The following FHIT variants were observed in gnomAD, a reference collection of about 807,000 sequenced individuals.
FHIT encodes fragile histidine triad diadenosine triphosphatase, also known as bis(5'-adenosyl)-triphosphatase.
FHIT carries 19 observed loss-of-function variants against 17.9 expected under a neutral mutation model. The observed-to-expected ratio is 1.06, with a 90% confidence interval of 0.74 to 1.56. The LOEUF is 1.56. Among genes scored for constraint, FHIT ranks in the 40% most tolerant of loss-of-function variants. The pLI is 0.00. For synonymous variants in FHIT, 81 were observed against 69.7 expected (o/e 1.16, Z -0.81); for missense variants, 248 against 189.2 (o/e 1.31, Z -1.82).
intron 5 of FHIT, among the ~76,000 whole-genome samples, chr3:60,084,843 T>C (rs866773846): frequency 6.6e-6 from 1 of 152,124 alleles, no homozygotes; most frequent in Non-Finnish European, 1.5e-5. Context: ...ACATTGATAG[T>C]GACTTTTTTT....
At chr3:59,774,971 T>C (rs1470089600) in intron 8 of FHIT, among the ~76,000 whole-genome samples, 2 of 152,172 alleles carry the variant, frequency 1.3e-5, no homozygotes, top group Admixed American at 6.5e-5. Flanking sequence ...GAGCTTAGGC[T>C]TCATCTCAGA....
chr3:60,870,075 C>T (rs1354125319), intron 3 of FHIT, among the ~76,000 whole-genome samples: 1 of 152,154 alleles, frequency 6.6e-6, no homozygotes, highest in Non-Finnish European at 1.5e-5. Flanking sequence ...TGTTGACTTA[C>T]CTTAGCTTCC....
intron 2 of FHIT, among the ~76,000 whole-genome samples, chr3:61,167,558 G>C (rs1245922759): frequency 6.7e-6 from 1 of 149,840 alleles, no homozygotes; most frequent in Non-Finnish European, 1.5e-5. Context: ...GAACCTGGGA[G>C]GCAGAGGTTG....
chr3:60,463,429 C>G (rs1230459388), intron 5 of FHIT, among the ~76,000 whole-genome samples: 5 of 152,182 alleles, frequency 3.3e-5, no homozygotes, highest in African/African-American at 9.6e-5. Flanking sequence ...CAATGAAACA[C>G]TAACTGTGGG....
intron 4 of FHIT, among the ~76,000 whole-genome samples, chr3:60,609,037 A>G (rs1198187031): frequency 6.7e-6 from 1 of 150,256 alleles, no homozygotes; most frequent in Non-Finnish European, 1.5e-5. Context: ...AAAAAAAAAA[A>G]GTATATAAAT....
Position 60,011,402 on chromosome 3 carries a change from T to C in FHIT, c.250-2A>G, listed in dbSNP as rs1386677788. ...AGTCTGTCCGGCTTCGGGGCCATCC[T>C]AGAAGTAGGAAAAAACCAACAGAGG... On this transcript the variant is annotated splice_acceptor_variant, in intron 6 of 9. Transcript: ENST00000492590. LOFTEE classifies it high-confidence loss of function. 20 of 1,613,294 alleles carry C rather than the reference T, an allele frequency of 1.2e-5. No individual in the cohort carries two copies. The East Asian group carries it at 4.2e-4, about 34-fold the overall frequency.
intron 5 of FHIT, among the ~76,000 whole-genome samples, chr3:60,068,809 T>C (rs1365891704): frequency 1.3e-5 from 2 of 152,222 alleles, no homozygotes; most frequent in Non-Finnish European, 2.9e-5. Context: ...AATGATTGAA[T>C]AGAAATGCTA....
chr3:59,903,307 T>C (rs148532502), intron 8 of FHIT, among the ~76,000 whole-genome samples: 4 of 152,304 alleles, frequency 2.6e-5, no homozygotes, highest in African/African-American at 9.6e-5. Flanking sequence ...TGACAGCTAA[T>C]AGGCACAGGG....
chr3:60,602,522 A>AG (rs879990203), intron 4 of FHIT, among the ~76,000 whole-genome samples: 8 of 151,940 alleles, frequency 5.3e-5, no homozygotes, highest in African/African-American at 9.7e-5. Context: ...GAGAAAAAAA[A>AG]TTGCTTGATG....
At chr3:61,202,540 T>C (rs562046772) in intron 1 of FHIT, among the ~76,000 whole-genome samples, 83 of 151,484 alleles carry the variant, frequency 5.5e-4, no homozygotes, top group African/African-American at 1.9e-3. Flanking sequence ...AGAAAGCCAA[T>C]ATAAAAATAT....
At chr3:59,918,627 T>A (rs912302951) in intron 8 of FHIT, among the ~76,000 whole-genome samples, 1 of 152,068 alleles carries the variant, frequency 6.6e-6, no homozygotes, top group Non-Finnish European at 1.5e-5. Context: ...TGGGGAATAG[T>A]AATCTTTGAG....
intron 4 of FHIT, among the ~76,000 whole-genome samples, chr3:60,554,312 G>A (rs949909450): frequency 2.6e-5 from 4 of 151,060 alleles, no homozygotes; most frequent in East Asian, 1.9e-4. Flanking sequence ...TAGCAGAGAC[G>A]AACTTACATG....
chr3:60,205,912 T>C (rs948456617), intron 5 of FHIT, among the ~76,000 whole-genome samples: 3 of 151,216 alleles, frequency 2.0e-5, no homozygotes, highest in African/African-American at 7.3e-5. Flanking sequence ...ATTGAGACCA[T>C]CCTGGCTAAC....
At chr3:60,499,683 T>C (rs1559494702) in intron 5 of FHIT, among the ~76,000 whole-genome samples, 1 of 152,160 alleles carries the variant, frequency 6.6e-6, no homozygotes, top group Admixed American at 6.5e-5. Flanking sequence ...CCGGCCTCTC[T>C]GTGTTTTTTT....
chr3:60,776,018 G>A (rs572562356), intron 4 of FHIT, among the ~76,000 whole-genome samples: 24 of 152,258 alleles, frequency 1.6e-4, no homozygotes, highest in African/African-American at 5.8e-4. Context: ...CCATCAGCAA[G>A]TTAACTTAAA....
chr3:60,302,603 A>G (rs1267395882), intron 5 of FHIT, among the ~76,000 whole-genome samples: 3 of 152,170 alleles, frequency 2.0e-5, no homozygotes, highest in Non-Finnish European at 4.4e-5. Context: ...GTTGATTAGT[A>G]TAAGCAACTA....
chr3:61,157,880 A>G (rs1011623365), intron 2 of FHIT, among the ~76,000 whole-genome samples: 5 of 152,198 alleles, frequency 3.3e-5, no homozygotes, highest in Non-Finnish European at 7.3e-5. Context: ...TGAGGTTAGT[A>G]GTTGGTTACC....
chr3:60,356,772 A>C (rs1169285681), intron 5 of FHIT, among the ~76,000 whole-genome samples: 1 of 143,316 alleles, frequency 7.0e-6, no homozygotes, highest in Non-Finnish European at 1.5e-5. Flanking sequence ...AAAAAAAAAA[A>C]AAAAAAAACG....
At chr3:60,185,953 T>C (rs1276362589) in intron 5 of FHIT, among the ~76,000 whole-genome samples, 1 of 152,240 alleles carries the variant, frequency 6.6e-6, no homozygotes, top group Non-Finnish European at 1.5e-5. Flanking sequence ...ACATCTTTAG[T>C]GAGCTATGTA....
Sources: gnomAD v4.1 joint callset for allele counts (sites outside exome capture counted in the v4.1 genomes callset) on GRCh38, gnomAD v4.1.1 for gene constraint, MANE v1.5 for transcripts, NCBI Gene and HGNC (gene_info 2026-07-23, HGNC 2026-07-21) for gene names.